DKK3: variants seen among roughly 807,000 people sequenced by gnomAD.
DKK3 encodes the protein dickkopf-related protein 3.
Under a neutral mutation model 33.2 loss-of-function variants are expected in DKK3, and 22 were observed. The ratio of observed to expected loss-of-function variants is 0.66; its 90% CI spans 0.47 to 0.95. The LOEUF is 0.95. Among genes scored for constraint, DKK3 ranks in the 40% least tolerant of loss-of-function variants. The pLI, the probability that DKK3 is intolerant of heterozygous loss-of-function variation, is 0.00. For synonymous variants in DKK3, 194 were observed against 188.8 expected (o/e 1.03, Z -0.23); for missense variants, 398 against 458.4 (o/e 0.87, Z 1.20).
chr11:11,991,515 T>C (rs2135073576), intron 3 of DKK3, among the ~76,000 whole-genome samples: 1 of 151,516 alleles, frequency 6.6e-6, no homozygotes, highest in East Asian at 2.0e-4. Context: ...GGGCCAGGAG[T>C]TCAAAACCAG....
chr11:11,999,091 C>G (rs1848367355), intron 2 of DKK3, among the ~76,000 whole-genome samples: 1 of 152,184 alleles, frequency 6.6e-6, no homozygotes, highest in African/African-American at 2.4e-5. Flanking sequence ...TCAGCTGTTT[C>G]TATCTTTCTT....
At chr11:11,986,469 C>A (rs1324846770) in intron 3 of DKK3, among the ~76,000 whole-genome samples, 4 of 152,126 alleles carry the variant, frequency 2.6e-5, no homozygotes, top group Non-Finnish European at 5.9e-5. Flanking sequence ...ATATCTTCTC[C>A]CCTGAGCCCA....
chr11:11,987,022 T>C (rs988332915), intron 3 of DKK3, among the ~76,000 whole-genome samples: 17 of 152,336 alleles, frequency 1.1e-4, no homozygotes, highest in African/African-American at 4.1e-4. Flanking sequence ...TATTCCCCAA[T>C]TTGCAACTAG....
At position 12,002,379 on chromosome 11, in the gene DKK3, G is replaced by C. The variant is rs1192741694; in HGVS notation, c.272C>G (p.Pro91Arg). 2.5e-6 allele frequency: 4 copies of C among 1,613,892 alleles called. No homozygotes were observed. The highest frequency in any genetic ancestry group is 3.4e-6 in the Non-Finnish European group (4 of 1,179,966). The stretch of plus-strand genomic sequence containing the variant: ...GTTGGTCTCATTGTGATAGCTGGGA[G>C]GTAAGTTTGCCAGGTTCACTTCTGA... ...ASSEVNLANL[P>R]PSYHNETNTD... The change falls in exon 2 of 7, where the codon CCT becomes CGT. Residue 91 changes from proline (P) to arginine (R), a missense_variant. Transcript: ENST00000683431.
intron 6 of DKK3, 82 bp from the exon 7 acceptor site, chr11:11,964,768 G>A: frequency 6.5e-7 from 1 of 1,540,316 alleles, no homozygotes; most frequent in Non-Finnish European, 8.7e-7. Flanking sequence ...ACTCTGTGGG[G>A]CTCCCAGCCT....
intron 6 of DKK3, 78 bp downstream of exon 6, chr11:11,965,731 G>T: frequency 6.5e-7 from 1 of 1,527,838 alleles, no homozygotes. Flanking sequence ...GGGAAAACCT[G>T]CTCCTGCTCC....
chr11:11,985,171 C>A (rs1466090315), intron 3 of DKK3, among the ~76,000 whole-genome samples: 1 of 152,138 alleles, frequency 6.6e-6, no homozygotes. Context: ...CCCCAGAAAC[C>A]CTGGAGCCGC....
chr11:11,969,603 G>A lies in DKK3; in HGVS notation c.436-1116C>T, dbSNP rs867644384. On this transcript the variant is annotated intron_variant, in intron 3 of 6. Transcript: ENST00000683431. ...GACCCTCCTGAGGCCTGGTATTCTG[G>A]GGCCCAGCAGACCTTCTGGAAGGGT... is the stretch of plus-strand genomic sequence containing the variant. Among the ~76,000 whole-genome samples the A allele has an allele frequency of 3.3e-5, 5 of 152,240 alleles. No individual in the cohort carries two copies. In the South Asian group the frequency reaches 6.2e-4, roughly 19 times the overall value.
At chr11:11,975,989 G>A (rs1847824604) in intron 3 of DKK3, among the ~76,000 whole-genome samples, 1 of 152,194 alleles carries the variant, frequency 6.6e-6, no homozygotes, top group Non-Finnish European at 1.5e-5. Context: ...TTACTGGACA[G>A]ATTAAAGGAG....
upstream of DKK3, chr11:12,009,029 C>T: frequency 1.0e-6 from 1 of 990,232 alleles, no homozygotes; most frequent in African/African-American, 1.7e-5. Flanking sequence ...AAGCCTCTCT[C>T]AGCCCCTACC....
At chr11:12,005,774 T>C (rs917726564) in intron 1 of DKK3, among the ~76,000 whole-genome samples, 2 of 152,210 alleles carry the variant, frequency 1.3e-5, no homozygotes, top group Admixed American at 1.3e-4. Flanking sequence ...ATACCAATTA[T>C]CCTGTGTCTA....
chr11:11,966,857 G>A (rs775373587), intron 5 of DKK3, 97 bp downstream of exon 5: 73 of 1,529,060 alleles, frequency 4.8e-5, no homozygotes, highest in East Asian at 1.4e-4. Context: ...GAGGTGGGAC[G>A]CGAAACCATG....
At position 11,997,717 on chromosome 11, in the gene DKK3, A is replaced by AC. The variant is rs769079617; in HGVS notation, c.435+978dup. Among the ~76,000 whole-genome samples the AC allele has an allele frequency of 4.6e-5, 7 of 152,008 alleles. No individual in the cohort carries two copies. The East Asian group carries it at 1.4e-3, about 29-fold the overall frequency. ...ACTACCATTGCACACAGCCAACTGG[A>AC]CCCCCAGCCTGCTGTAAAAGTCGGC... On this transcript the variant is annotated intron_variant, in intron 3 of 6. Transcript: ENST00000683431.
intron 3 of DKK3, among the ~76,000 whole-genome samples, chr11:11,995,785 C>G (rs1454365845): frequency 6.6e-6 from 1 of 152,250 alleles, no homozygotes; most frequent in African/African-American, 2.4e-5. Flanking sequence ...GCAAGTGCAG[C>G]ACAAAAGCCT....
At chr11:12,007,869 G>A (rs1260873761) in intron 1 of DKK3, among the ~76,000 whole-genome samples, 1 of 152,186 alleles carries the variant, frequency 6.6e-6, no homozygotes, top group Non-Finnish European at 1.5e-5. Context: ...CCCACATTGC[G>A]TGAGAAGCAA....
chr11:11,978,428 C>A (rs958398792), intron 3 of DKK3, among the ~76,000 whole-genome samples: 1 of 140,514 alleles, frequency 7.1e-6, no homozygotes, highest in Non-Finnish European at 1.5e-5. Context: ...TCCTCTTCCT[C>A]TTCTTCTTCC....
At chr11:12,009,229 G>A (rs1848608568), upstream of DKK3, 2 of 984,998 alleles carry the variant, frequency 2.0e-6, no homozygotes, top group African/African-American at 3.5e-5. Context: ...CCCGCCGGGA[G>A]GCCGCCGGGC....
intron 4 of DKK3, among the ~76,000 whole-genome samples, chr11:11,967,533 G>C (rs1847627759): frequency 6.6e-6 from 1 of 152,242 alleles, no homozygotes; most frequent in South Asian, 2.1e-4. Context: ...GCCACACAGG[G>C]CATGGCAGTT....
chr11:11,993,794 A>G (rs1266539465), intron 3 of DKK3, among the ~76,000 whole-genome samples: 4 of 152,210 alleles, frequency 2.6e-5, no homozygotes, highest in African/African-American at 9.6e-5. Context: ...ACATTCACAC[A>G]AGCCTTTGCT....
Sources: gnomAD v4.1 joint callset for allele counts (sites outside exome capture counted in the v4.1 genomes callset) on GRCh38, gnomAD v4.1.1 for gene constraint, MANE v1.5 for transcripts, NCBI Gene and HGNC (gene_info 2026-07-23, HGNC 2026-07-21) for gene names.